LOC128462377: variants seen among roughly 807,000 people sequenced by gnomAD.
the LOC128462377 span, among the ~76,000 whole-genome samples, chr16:89,375,958 G>A: frequency 5.9e-5 from 9 of 152,230 alleles, no homozygotes; most frequent in African/African-American, 1.9e-4. Context: ...GTGACACGCC[G>A]CAGCCTGTGC....
chr16:89,371,525 A>G, the LOC128462377 span, among the ~76,000 whole-genome samples: 1 of 152,170 alleles, frequency 6.6e-6, no homozygotes, highest in Non-Finnish European at 1.5e-5. Context: ...CCACCCACAG[A>G]TGAGTTCTCT....
the LOC128462377 span, among the ~76,000 whole-genome samples, chr16:89,378,869 G>A: frequency 6.6e-6 from 1 of 151,882 alleles, no homozygotes; most frequent in Non-Finnish European, 1.5e-5. Flanking sequence ...TGGGTGGGGC[G>A]AGGTGGGGAA....
At chr16:89,343,318 C>T in the LOC128462377 span, among the ~76,000 whole-genome samples, 1 of 152,200 alleles carries the variant, frequency 6.6e-6, no homozygotes, top group Non-Finnish European at 1.5e-5. Context: ...AAAAGCAATA[C>T]CTGTGTTCCC....
At chr16:89,372,801 T>C in the LOC128462377 span, 2 of 151,904 alleles carry the variant, frequency 1.3e-5, no homozygotes, top group East Asian at 3.9e-4. Flanking sequence ...ATGTTGAGAG[T>C]CAGAAAGCCA....
chr16:89,390,176 G>A, the LOC128462377 span, among the ~76,000 whole-genome samples: 9 of 99,052 alleles, frequency 9.1e-5, no homozygotes, highest in African/African-American at 1.3e-4. Flanking sequence ...AGTGTGGCGG[G>A]GAGCACCGAG....
the LOC128462377 span, chr16:89,339,863 TACTC>T: frequency 1.3e-5 from 2 of 152,008 alleles, no homozygotes; most frequent in Non-Finnish European, 2.9e-5. Context: ...GGCGCTTTGA[TACTC>T]ACGCTACACA....
chr16:89,389,184 A>C, the LOC128462377 span, among the ~76,000 whole-genome samples: 2 of 151,562 alleles, frequency 1.3e-5, no homozygotes, highest in Non-Finnish European at 2.9e-5. Flanking sequence ...ACGTCTGGCT[A>C]ATTTTTTTTT....
At chr16:89,407,392 G>A in the LOC128462377 span, among the ~76,000 whole-genome samples, 1 of 152,122 alleles carries the variant, frequency 6.6e-6, no homozygotes, top group East Asian at 1.9e-4. Flanking sequence ...AAAGCAGGAA[G>A]CCCCAGCAAC....
chr16:89,372,578 C>T, the LOC128462377 span, among the ~76,000 whole-genome samples: 1 of 152,042 alleles, frequency 6.6e-6, no homozygotes, highest in East Asian at 1.9e-4. Flanking sequence ...TACTAAAATA[C>T]TAACATTAAG....
chr16:89,384,874 G>GTTTTTTTTTTTTTTTTT, the LOC128462377 span, among the ~76,000 whole-genome samples: 4 of 72,748 alleles, frequency 5.5e-5, no homozygotes, highest in Admixed American at 1.7e-4. Flanking sequence ...ATGAGAAATA[G>GTTTTTTTTTTTTTTTTT]TTTTCTTTTT....
the LOC128462377 span, among the ~76,000 whole-genome samples, chr16:89,359,371 G>C: frequency 8.5e-5 from 13 of 152,296 alleles, no homozygotes; most frequent in East Asian, 2.5e-3. Context: ...CAGACTCCCA[G>C]GGAACTGCAG....
At chr16:89,375,045 C>G in the LOC128462377 span, among the ~76,000 whole-genome samples, 1 of 152,058 alleles carries the variant, frequency 6.6e-6, no homozygotes, top group Non-Finnish European at 1.5e-5. Context: ...TAAATACTTA[C>G]AGACTGTACA....
chr16:89,387,920 G>A, the LOC128462377 span, among the ~76,000 whole-genome samples: 1 of 149,454 alleles, frequency 6.7e-6, no homozygotes. Flanking sequence ...TGAGGCAGGA[G>A]AATCGCTTCT....
chr16:89,330,657 TGGGGGGGGG>T, the LOC128462377 span, among the ~76,000 whole-genome samples: 1 of 5,076 alleles, frequency 2.0e-4, no homozygotes, highest in Non-Finnish European at 3.7e-4. Flanking sequence ...GTACAGTGAC[TGGGGGGGGG>T]GGGGGGGGGC....
the LOC128462377 span, among the ~76,000 whole-genome samples, chr16:89,378,603 A>G: frequency 6.6e-6 from 1 of 152,214 alleles, no homozygotes; most frequent in Non-Finnish European, 1.5e-5. Context: ...ACTGGCCAGC[A>G]TGACTAGCAA....
the LOC128462377 span, among the ~76,000 whole-genome samples, chr16:89,414,427 G>A: frequency 6.6e-6 from 1 of 152,194 alleles, no homozygotes; most frequent in South Asian, 2.1e-4. Context: ...GGGTCACGCA[G>A]CCGCACCGCC....
At chr16:89,348,106 A>G in the LOC128462377 span, among the ~76,000 whole-genome samples, 13 of 151,656 alleles carry the variant, frequency 8.6e-5, no homozygotes, top group African/African-American at 3.2e-4. Context: ...TCATTTTTGT[A>G]TTTTTTGTAC....
At chr16:89,417,635 G>T in the LOC128462377 span, among the ~76,000 whole-genome samples, 1 of 152,220 alleles carries the variant, frequency 6.6e-6, no homozygotes, top group African/African-American at 2.4e-5. Context: ...CCTAGGAAAA[G>T]CCAGAATAGC....
chr16:89,317,681 C>T, the LOC128462377 span, among the ~76,000 whole-genome samples: 1 of 152,226 alleles, frequency 6.6e-6, no homozygotes, highest in Non-Finnish European at 1.5e-5. Context: ...TGGAAGCAGA[C>T]GCCCCCTCGG....
Sources: gnomAD v4.1 joint callset for allele counts (sites outside exome capture counted in the v4.1 genomes callset) on GRCh38, gnomAD v4.1.1 for gene constraint, MANE v1.5 for transcripts.